Variants in NDST1 observed in about 807,000 individuals in gnomAD.
NDST1 encodes bifunctional heparan sulfate N-deacetylase/N-sulfotransferase 1.
In NDST1, 35 loss-of-function variants were observed where a neutral mutation model predicts 92.8. That is an observed-to-expected ratio of 0.38 (90% confidence interval 0.29 to 0.50). NDST1 has a LOEUF of 0.50. Among genes scored for constraint, NDST1 ranks in the 20% least tolerant of loss-of-function variants. NDST1 has a pLI of 0.94. For missense variants in NDST1, 822 were observed against 1,182.7 expected (o/e 0.69, Z 4.47); for synonymous variants, 493 against 500.3 (o/e 0.99, Z 0.19).
chr5:150,551,916 T>A, intron 14 of NDST1, 61 bp downstream of exon 14: 1 of 1,594,784 alleles, frequency 6.3e-7, no homozygotes, highest in South Asian at 1.1e-5. Context: ...CTGTATGGAG[T>A]TGAGGGGGAT....
At chr5:150,533,235 G>T (rs1431775880) in intron 4 of NDST1, among the ~76,000 whole-genome samples, 1 of 152,238 alleles carries the variant, frequency 6.6e-6, no homozygotes, top group Non-Finnish European at 1.5e-5. Flanking sequence ...AACAGCAGCG[G>T]CAGCAACAGC....
intron 2 of NDST1, among the ~76,000 whole-genome samples, chr5:150,523,591 C>T (rs1202228943): frequency 6.6e-6 from 1 of 152,216 alleles, no homozygotes; most frequent in Non-Finnish European, 1.5e-5. Context: ...AGGCCTTAGT[C>T]TTAACCACGA....
intron 5 of NDST1, chr5:150,535,268 A>G: frequency 4.1e-6 from 4 of 975,724 alleles, no homozygotes; most frequent in Non-Finnish European, 4.9e-6. Flanking sequence ...TCCAGCTGGG[A>G]CTTAAACTCA....
At chr5:150,516,858 G>T (rs1281890859) in intron 1 of NDST1, among the ~76,000 whole-genome samples, 4 of 151,998 alleles carry the variant, frequency 2.6e-5, no homozygotes, top group African/African-American at 9.7e-5. Context: ...TGGAGATGGG[G>T]TTTCACCATG....
chr5:150,521,077 G>T lies in NDST1; in HGVS notation c.-178G>T. 2 of 623,646 alleles carry T rather than the reference G, an allele frequency of 3.2e-6. No homozygotes were observed. Among genetic ancestry groups the T allele is most frequent in the Non-Finnish European group, 5.6e-6 (2 of 356,946 alleles). The allele number at this position is 623,646 out of a possible 1,614,324, so 38.6% of individuals were successfully genotyped here. A position where few individuals can be genotyped will look rare whatever the true frequency, so the allele number is the denominator to read the frequency against. ...GACCAGCCTGTGGACTGCGCCCCTG[G>T]CTGGGAGGAAGGACTGGGGGCCCAG... On this transcript the variant is annotated 5_prime_UTR_variant, in exon 2 of 15. Coordinates refer to ENST00000261797, the MANE Select transcript of NDST1 (RefSeq NM_001543.5). The surrounding 1 kb of genome is among the most constrained non-coding windows in gnomAD (Gnocchi z 5.9).
At chr5:150,538,723 G>A (rs1352118934) in intron 6 of NDST1, among the ~76,000 whole-genome samples, 1 of 152,084 alleles carries the variant, frequency 6.6e-6, no homozygotes, top group African/African-American at 2.4e-5. Flanking sequence ...TGAACTCCAG[G>A]CACTCCTTTA....
rs957675363 is a variant in NDST1, at chr5:150,555,119, A to C, written c.*1787A>C. ...GTTGAACCCGAGGCTCCCGGTTCCAAGTCCCATCGTGCTCCTCTTCCAATG... is the reference window on the plus strand; with the variant it reads ...GTTGAACCCGAGGCTCCCGGTTCCACGTCCCATCGTGCTCCTCTTCCAATG... On this transcript the variant is annotated 3_prime_UTR_variant, in exon 15 of 15. Transcript: ENST00000261797. 4 of 152,724 alleles carry C rather than the reference A, an allele frequency of 2.6e-5. No individual in the cohort carries two copies. Among genetic ancestry groups the C allele is most frequent in the African/African-American group, 9.7e-5 (4 of 41,426 alleles). The allele number at this position is 152,724 out of a possible 1,614,324, so 9.5% of individuals were successfully genotyped here. A position where few individuals can be genotyped will look rare whatever the true frequency, so the allele number is the denominator to read the frequency against.
At chr5:150,539,151 C>T in intron 6 of NDST1, 77 bp from the exon 7 acceptor site, 2 of 1,248,726 alleles carry the variant, frequency 1.6e-6, no homozygotes, top group East Asian at 4.6e-5. Context: ...GCTGGGCCTT[C>T]TTCCTCTGAG....
intron 8 of NDST1, 82 bp downstream of exon 8, chr5:150,540,346 A>C: frequency 2.1e-6 from 3 of 1,421,830 alleles, no homozygotes; most frequent in Non-Finnish European, 1.9e-6. Context: ...ATATGGACTC[A>C]AGGCTCAGCC....
At chr5:150,520,254 G>A (rs1168231602) in intron 1 of NDST1, among the ~76,000 whole-genome samples, 1 of 152,128 alleles carries the variant, frequency 6.6e-6, no homozygotes, top group African/African-American at 2.4e-5. Flanking sequence ...GGTCACCTGA[G>A]GCCTTCTCAC....
In NDST1 at chr5:150,521,146, C is replaced by T; in HGVS notation, c.-109C>T. ...CCCACAAGGGCGTCGCTTCCTAAGT[C>T]TCTGTGAATTTGTTGGTCAGTGGAC... On this transcript the variant is annotated 5_prime_UTR_variant, in exon 2 of 15. Transcript: ENST00000261797. This position sits in a 1 kb window ranked among gnomAD's most constrained non-coding sequence, Gnocchi z 5.9. 9.8e-7 allele frequency: 1 copy of T among 1,020,580 alleles called. No individual in the cohort carries two copies. Among genetic ancestry groups the T allele is most frequent in the South Asian group, 1.5e-5 (1 of 65,478 alleles). 63.2% of individuals were successfully genotyped at this position (1,020,580 alleles called of 1,614,324 possible).
chr5:150,511,721 G>T (rs973529986), intron 1 of NDST1, among the ~76,000 whole-genome samples: 2 of 152,140 alleles, frequency 1.3e-5, no homozygotes, highest in African/African-American at 4.8e-5. Flanking sequence ...TCCTGGCCAG[G>T]CAGCACTGTG....
chr5:150,519,155 G>C (rs186779158), intron 1 of NDST1, among the ~76,000 whole-genome samples: 340 of 152,342 alleles, frequency 2.2e-3, no homozygotes, highest in African/African-American at 7.8e-3. Flanking sequence ...TTGTGTTCTT[G>C]TGGAAAAATC....
At chr5:150,540,047 G>A in intron 7 of NDST1, 35 bp from the exon 8 acceptor site, 3 of 1,612,624 alleles carry the variant, frequency 1.9e-6, no homozygotes, top group African/African-American at 1.3e-5. Flanking sequence ...AGACACTGAT[G>A]GGCCCTGCCT....
Position 150,542,867 on chromosome 5 carries a change from G to C in NDST1, c.1866G>C (p.Leu622=). 6.2e-7 allele frequency: 1 copy of C among 1,614,060 alleles called. No homozygotes were observed. The highest frequency in any genetic ancestry group is 2.2e-5 in the East Asian group (1 of 44,896). ...CCACAGGCACCACTGCCCTCTACCT[G>C]TTCCTGGGCATGCACCCTGACCTAA... The part of the protein sequence containing the change: ...PQKTGTTALY[L]FLGMHPDLSS... Residue 622 remains leucine (L), a synonymous_variant, in exon 10 of 15, where the codon CTG becomes CTC. Transcript: ENST00000261797.
intron 3 of NDST1, among the ~76,000 whole-genome samples, chr5:150,530,416 CA>C (rs1754670926): frequency 6.6e-6 from 1 of 152,110 alleles, no homozygotes; most frequent in Admixed American, 6.6e-5. Context: ...TGCAGGAACC[CA>C]GGTTCTTGCT....
chr5:150,530,557 ATTTTTTTTTTTTT>A (rs71589713), intron 3 of NDST1, among the ~76,000 whole-genome samples: 5 of 127,232 alleles, frequency 3.9e-5, no homozygotes, highest in Non-Finnish European at 8.0e-5. Context: ...CGTATTTTAA[ATTTTTTTTTTTTT>A]TTTTTTTTTT....
At chr5:150,515,607 G>A (rs1283480267) in intron 1 of NDST1, among the ~76,000 whole-genome samples, 3 of 152,186 alleles carry the variant, frequency 2.0e-5, no homozygotes, top group Non-Finnish European at 4.4e-5. Context: ...CCAGGCAATG[G>A]GAATTTCATC....
chr5:150,510,401 G>A (rs1035639522), intron 1 of NDST1, among the ~76,000 whole-genome samples: 2 of 152,178 alleles, frequency 1.3e-5, no homozygotes, highest in Non-Finnish European at 2.9e-5. Context: ...GGATAGGGTG[G>A]GCAGAGAGCC....
Sources: gnomAD v4.1 joint callset for allele counts (sites outside exome capture counted in the v4.1 genomes callset) on GRCh38, gnomAD v4.1.1 for gene constraint, Gnocchi (gnomAD v3.1) non-coding constraint, MANE v1.5 for transcripts, NCBI Gene and HGNC (gene_info 2026-07-23, HGNC 2026-07-21) for gene names.